The following LRRC37A2 variants were observed in gnomAD, a reference collection of about 807,000 sequenced individuals.
LRRC37A2 encodes the protein leucine rich repeat containing 37 member A2, also known as leucine-rich repeat-containing protein 37A2.
In LRRC37A2, 9 loss-of-function variants were observed where a neutral mutation model predicts 68.8. That is an observed-to-expected ratio of 0.13 (90% CI 0.08 to 0.23). The LOEUF (loss-of-function observed/expected upper bound fraction) is 0.23. Among genes scored for constraint, LRRC37A2 ranks in the 10% least tolerant of loss-of-function variants. LRRC37A2 has a pLI of 1.00. For missense variants in LRRC37A2, 168 were observed against 950.4 expected (o/e 0.18, Z 10.82); for synonymous variants, 63 against 367.6 (o/e 0.17, Z 9.48).
At chr17:46,788,819 G>A in the LRRC37A2 span, among the ~76,000 whole-genome samples, 28 of 152,156 alleles carry the variant, frequency 1.8e-4, no homozygotes, top group African/African-American at 4.6e-4. Flanking sequence ...CCTTTCCTTC[G>A]TCTCTCCCAG....
At chr17:46,834,319 G>A in the LRRC37A2 span, among the ~76,000 whole-genome samples, 5 of 152,214 alleles carry the variant, frequency 3.3e-5, no homozygotes, top group African/African-American at 4.8e-5. Context: ...TGGAGAAGCA[G>A]GTGGTGCCTG....
At chr17:46,903,786 G>A in the LRRC37A2 span, among the ~76,000 whole-genome samples, 2 of 150,172 alleles carry the variant, frequency 1.3e-5, no homozygotes, top group East Asian at 2.0e-4. Flanking sequence ...TTGGATGGGT[G>A]GGTGGATGGA....
At chr17:46,930,831 G>A in the LRRC37A2 span, 1 of 397,678 alleles carries the variant, frequency 2.5e-6, no homozygotes, top group East Asian at 4.9e-5. Flanking sequence ...CTAAAGGTAG[G>A]AAATTTATTT....
the LRRC37A2 span, among the ~76,000 whole-genome samples, chr17:46,671,954 T>G: frequency 7.0e-6 from 1 of 143,002 alleles, no homozygotes; most frequent in African/African-American, 2.5e-5. Flanking sequence ...AATTAAGAGC[T>G]TCAAATAATT....
the LRRC37A2 span, among the ~76,000 whole-genome samples, chr17:46,733,085 C>T: frequency 2.6e-5 from 4 of 152,320 alleles, no homozygotes; most frequent in African/African-American, 9.6e-5. Flanking sequence ...AAATGTCCGG[C>T]TTAGCAGTGA....
the LRRC37A2 span, among the ~76,000 whole-genome samples, chr17:46,894,561 C>A: frequency 6.6e-6 from 1 of 152,218 alleles, no homozygotes; most frequent in African/African-American, 2.4e-5. Flanking sequence ...CCCCATGGGG[C>A]GGAAGTGCCG....
the LRRC37A2 span, among the ~76,000 whole-genome samples, chr17:46,493,912 G>C: frequency 3.8e-4 from 57 of 151,014 alleles, 3 homozygotes; most frequent in African/African-American, 1.1e-3. Flanking sequence ...GCTCACTGCA[G>C]CCTGTCATTC....
the LRRC37A2 span, chr17:46,711,131 T>G: frequency 6.7e-7 from 1 of 1,491,976 alleles, no homozygotes; most frequent in South Asian, 1.4e-5. Flanking sequence ...TGAGAATGAA[T>G]GAGGAGATGG....
At chr17:46,684,723 A>G in the LRRC37A2 span, among the ~76,000 whole-genome samples, 1 of 145,656 alleles carries the variant, frequency 6.9e-6, no homozygotes, top group African/African-American at 2.6e-5. Context: ...ACAAAAATTA[A>G]CTCAAGATGG....
the LRRC37A2 span, among the ~76,000 whole-genome samples, chr17:47,033,916 CT>C: frequency 2.0e-5 from 3 of 152,202 alleles, no homozygotes; most frequent in East Asian, 3.8e-4. Context: ...TGGAAAAAAG[CT>C]TGCCACATTT....
At chr17:46,884,310 C>T in the LRRC37A2 span, among the ~76,000 whole-genome samples, 1 of 152,202 alleles carries the variant, frequency 6.6e-6, no homozygotes, top group African/African-American at 2.4e-5. Flanking sequence ...TCTGAAATTG[C>T]TTTCTCTGCC....
the LRRC37A2 span, chr17:46,935,879 C>T: frequency 3.0e-6 from 3 of 985,868 alleles, no homozygotes; most frequent in African/African-American, 1.7e-5. Context: ...GATAATAGGG[C>T]GTGGGTTCTG....
the LRRC37A2 span, among the ~76,000 whole-genome samples, chr17:46,732,002 A>G: frequency 6.6e-6 from 1 of 152,206 alleles, no homozygotes; most frequent in Non-Finnish European, 1.5e-5. Context: ...GTAAAATGGA[A>G]GCATTCACTT....
the LRRC37A2 span, among the ~76,000 whole-genome samples, chr17:46,896,446 GAA>G: frequency 5.6e-3 from 487 of 86,532 alleles, 9 homozygotes; most frequent in African/African-American, 7.2e-3. Context: ...AAGAAAGAAA[GAA>G]AGAAAAAGAA....
the LRRC37A2 span, among the ~76,000 whole-genome samples, chr17:46,780,969 C>T: frequency 6.6e-5 from 10 of 151,860 alleles, no homozygotes; most frequent in Non-Finnish European, 1.3e-4. Context: ...GGTGTGGTGG[C>T]GGTAATGCCA....
At chr17:46,777,233 A>T in the LRRC37A2 span, among the ~76,000 whole-genome samples, 5 of 152,224 alleles carry the variant, frequency 3.3e-5, no homozygotes, top group Admixed American at 3.3e-4. Context: ...AAAAAGAAAA[A>T]GCAGAGGCCG....
chr17:47,023,526 C>T, the LRRC37A2 span, among the ~76,000 whole-genome samples: 5 of 151,894 alleles, frequency 3.3e-5, no homozygotes, highest in Admixed American at 3.3e-4. Context: ...ACTAAAAATA[C>T]AAAAAGTAGC....
At chr17:46,978,628 G>A in the LRRC37A2 span, 2 of 1,574,730 alleles carry the variant, frequency 1.3e-6, no homozygotes, top group South Asian at 1.2e-5. Flanking sequence ...GCTGGCGAGG[G>A]CGGACCCAGA....
the LRRC37A2 span, among the ~76,000 whole-genome samples, chr17:46,944,891 C>A: frequency 6.6e-6 from 1 of 152,306 alleles, no homozygotes; most frequent in African/African-American, 2.4e-5. Flanking sequence ...TAAGCCACCG[C>A]AGCCGGCCTT....
Sources: gnomAD v4.1 joint callset for allele counts (sites outside exome capture counted in the v4.1 genomes callset) on GRCh38, gnomAD v4.1.1 for gene constraint, MANE v1.5 for transcripts, NCBI Gene and HGNC (gene_info 2026-07-23, HGNC 2026-07-21) for gene names.